Variants in FBXL7 observed in about 807,000 individuals in gnomAD.
FBXL7 encodes the protein F-box/LRR-repeat protein 7.
A neutral mutation model predicts 38.3 loss-of-function variants in FBXL7; 12 were observed. The observed-to-expected ratio is 0.31, with a 90% CI of 0.20 to 0.51. The LOEUF (loss-of-function observed/expected upper bound fraction) is 0.51, where lower values mean the gene tolerates loss of function less well. Among genes scored for constraint, FBXL7 ranks in the 20% least tolerant of loss-of-function variants. The pLI, the probability that FBXL7 is intolerant of heterozygous loss-of-function variation, is 0.98. For missense variants in FBXL7, 567 were observed against 676.4 expected, an observed-to-expected ratio of 0.84 and a Z score of 1.79; for synonymous variants, 297 against 300.9, an observed-to-expected ratio of 0.99 and a Z score of 0.13.
At chr5:15,530,895 A>G (rs909748229) in intron 1 of FBXL7, among the ~76,000 whole-genome samples, 1 of 152,194 alleles carries the variant, frequency 6.6e-6, no homozygotes, top group Non-Finnish European at 1.5e-5. Context: ...CACCCGTAGA[A>G]CTGATCTTAG....
chr5:15,683,438 T>G (rs1229047942), intron 2 of FBXL7, among the ~76,000 whole-genome samples: 1 of 152,178 alleles, frequency 6.6e-6, no homozygotes, highest in African/African-American at 2.4e-5. Flanking sequence ...CAGGCGGAGC[T>G]CTGCCAAGAT....
intron 3 of FBXL7, among the ~76,000 whole-genome samples, chr5:15,933,200 C>G (rs190071064): frequency 1.3e-5 from 2 of 152,272 alleles, no homozygotes; most frequent in Admixed American, 6.5e-5. Context: ...AACCTAAAAT[C>G]TAAAATTATT....
chr5:15,583,103 G>T (rs893928262), intron 1 of FBXL7, among the ~76,000 whole-genome samples: 1 of 152,132 alleles, frequency 6.6e-6, no homozygotes, highest in African/African-American at 2.4e-5. Context: ...GGGGAAGCAG[G>T]CATGTCTTAC....
intron 2 of FBXL7, among the ~76,000 whole-genome samples, chr5:15,846,280 G>A (rs573827677): frequency 9.3e-4 from 141 of 152,264 alleles, no homozygotes; most frequent in African/African-American, 3.2e-3. Flanking sequence ...ATTAATACAT[G>A]TCAGTTTTTT....
At chr5:15,503,712 AATTCCT>A (rs1736564301) in intron 1 of FBXL7, among the ~76,000 whole-genome samples, 1 of 152,196 alleles carries the variant, frequency 6.6e-6, no homozygotes, top group African/African-American at 2.4e-5. Context: ...TGCTCAATTA[AATTCCT>A]TTAAATTTAA....
chr5:15,535,771 A>G (rs1290020170), intron 1 of FBXL7, among the ~76,000 whole-genome samples: 1 of 152,264 alleles, frequency 6.6e-6, no homozygotes, highest in African/African-American at 2.4e-5. Context: ...GTGAAGCCTG[A>G]CTATGTGATA....
chr5:15,843,455 T>C (rs188268808), intron 2 of FBXL7, among the ~76,000 whole-genome samples: 7 of 152,298 alleles, frequency 4.6e-5, no homozygotes, highest in Admixed American at 2.0e-4. Context: ...AATATTCGAA[T>C]GAATAAAATT....
intron 2 of FBXL7, among the ~76,000 whole-genome samples, chr5:15,769,735 C>CAA (rs1736679879): frequency 1.3e-3 from 6 of 4,578 alleles, no homozygotes; most frequent in Admixed American, 6.5e-3. Flanking sequence ...TTTCTGGACA[C>CAA]GAAAAAAAAA....
At chr5:15,664,014 C>T (rs187930749) in intron 2 of FBXL7, among the ~76,000 whole-genome samples, 5 of 152,016 alleles carry the variant, frequency 3.3e-5, no homozygotes, top group Non-Finnish European at 5.9e-5. Flanking sequence ...CCTCATAATC[C>T]TGTCTGTTCT....
chr5:15,896,278 G>A lies in FBXL7; in HGVS notation c.128-31612G>A, dbSNP rs551202881. On this transcript the variant is annotated intron_variant, in intron 2 of 3. Coordinates refer to ENST00000504595, the MANE Select transcript of FBXL7 (RefSeq NM_012304.5). ...TGACCTCAAGTGATCCACCCACCTC[G>A]TCTACTTTTGACCTTAGATGTTTAG... is the stretch of plus-strand genomic sequence containing the variant. Among the ~76,000 whole-genome samples, 113 of 152,140 alleles carry A rather than the reference G, an allele frequency of 7.4e-4. 1 individual carries two copies. Among genetic ancestry groups the A allele is most frequent in the African/African-American group, 2.3e-3 (96 of 41,526 alleles).
chr5:15,757,047 A>G (rs1336642035), intron 2 of FBXL7, among the ~76,000 whole-genome samples: 1 of 152,182 alleles, frequency 6.6e-6, no homozygotes, highest in East Asian at 1.9e-4. Context: ...TCCTTTATTC[A>G]GCAGCAGTGC....
At chr5:15,542,434 C>G (rs1479108905) in intron 1 of FBXL7, among the ~76,000 whole-genome samples, 1 of 152,116 alleles carries the variant, frequency 6.6e-6, no homozygotes, top group East Asian at 1.9e-4. Context: ...ATCAGACTTT[C>G]CTATGAGCAT....
At chr5:15,787,698 G>A (rs1737167071) in intron 2 of FBXL7, among the ~76,000 whole-genome samples, 1 of 152,092 alleles carries the variant, frequency 6.6e-6, no homozygotes, top group African/African-American at 2.4e-5. Context: ...GGGTTCCTGA[G>A]GAATTACTGC....
chr5:15,633,780 T>TTG (rs1741078663), intron 2 of FBXL7, among the ~76,000 whole-genome samples: 1 of 132,400 alleles, frequency 7.6e-6, no homozygotes, highest in Admixed American at 8.0e-5. Flanking sequence ...TATTATTATT[T>TTG]TATTATTTTA....
At position 15,896,200 on chromosome 5, in the gene FBXL7, A is replaced by G. The variant is rs1741100309; in HGVS notation, c.128-31690A>G. Among the ~76,000 whole-genome samples, 3 of 151,940 alleles carry G rather than the reference A, an allele frequency of 2.0e-5. No homozygotes were observed. In the South Asian group the frequency reaches 6.2e-4, roughly 32 times the overall value. On this transcript the variant is annotated intron_variant, in intron 2 of 3. Transcript: ENST00000504595. ...CCACCATGCCTGGCTAATTTTTTGTATTTTTAGTAGAGATGGGGTTTCACC... is the reference window on the plus strand; with the variant it reads ...CCACCATGCCTGGCTAATTTTTTGTGTTTTTAGTAGAGATGGGGTTTCACC...
intron 2 of FBXL7, among the ~76,000 whole-genome samples, chr5:15,760,721 A>G (rs1208167305): frequency 6.6e-6 from 1 of 152,182 alleles, no homozygotes; most frequent in East Asian, 1.9e-4. Flanking sequence ...AGCATTATCC[A>G]GGAGTTCACT....
At chr5:15,862,153 G>A (rs1161938138) in intron 2 of FBXL7, among the ~76,000 whole-genome samples, 1 of 152,172 alleles carries the variant, frequency 6.6e-6, no homozygotes, top group Non-Finnish European at 1.5e-5. Context: ...CTCATGTTGT[G>A]GGAGGGATCC....
In FBXL7 at chr5:15,598,959, C is replaced by A. The variant is rs149081463; in HGVS notation, c.38-17024C>A. Among the ~76,000 whole-genome samples the A allele has an allele frequency of 3.1e-4, 47 of 152,272 alleles. 1 individual carries two copies. In the East Asian group the frequency reaches 9.1e-3, roughly 29 times the overall value. The stretch of plus-strand genomic sequence containing the variant: ...GCAATTGCTGCATTCAGTGTACTCT[C>A]GTAGCTCCTCCTTCCTACAAATTGT... On this transcript the variant is annotated intron_variant, in intron 1 of 3. Transcript: ENST00000504595.
At chr5:15,599,324 G>A (rs1739719096) in intron 1 of FBXL7, among the ~76,000 whole-genome samples, 1 of 152,104 alleles carries the variant, frequency 6.6e-6, no homozygotes, top group African/African-American at 2.4e-5. Context: ...TTTGGTGGCT[G>A]AAATACACAT....
Sources: gnomAD v4.1 joint callset for allele counts (sites outside exome capture counted in the v4.1 genomes callset) on GRCh38, gnomAD v4.1.1 for gene constraint, MANE v1.5 for transcripts, NCBI Gene and HGNC (gene_info 2026-07-23, HGNC 2026-07-21) for gene names.